Variants in JPH2 observed in about 807,000 individuals in gnomAD.
The protein encoded by JPH2 is junctophilin 2.
JPH2 carries 38 observed loss-of-function variants against 55.9 expected under a neutral mutation model. The observed-to-expected ratio is 0.68, with a 90% CI of 0.52 to 0.89. JPH2 has a LOEUF of 0.89. Ranked by LOEUF, JPH2 falls within the 40% of genes least tolerant of loss-of-function variation. The pLI is 0.00. For missense variants in JPH2, 964 were observed against 1,037.6 expected (o/e 0.93, Z 0.97); for synonymous variants, 480 against 472.4 (o/e 1.02, Z -0.21).
At chr20:44,115,584 T>C (rs1600828549) in intron 4 of JPH2, 81 bp downstream of exon 4, 11 of 1,574,662 alleles carry the variant, frequency 7.0e-6, no homozygotes, top group Non-Finnish European at 9.6e-6. Context: ...AACCCCCAAA[T>C]CCCCTGCCCC....
chr20:44,180,839 A>G (rs1247493744), intron 1 of JPH2, among the ~76,000 whole-genome samples: 1 of 151,722 alleles, frequency 6.6e-6, no homozygotes, highest in Admixed American at 6.6e-5. Context: ...AGGCCAACGC[A>G]GGGGCCCCAG....
chr20:44,133,420 G>A (rs2072338736), intron 2 of JPH2, among the ~76,000 whole-genome samples: 1 of 152,044 alleles, frequency 6.6e-6, no homozygotes, highest in Non-Finnish European at 1.5e-5. Flanking sequence ...TAGCAGGCAG[G>A]TATTATTATG....
rs752533344 is a variant in JPH2, at chr20:44,116,094, G to A, written c.1581C>T (p.Ser527=). The A allele has an allele frequency of 2.7e-6, 4 of 1,503,346 alleles. No individual in the cohort carries two copies. Among genetic ancestry groups the A allele is most frequent in the South Asian group, 1.3e-5 (1 of 77,404 alleles). 93.1% of individuals were successfully genotyped at this position (1,503,346 alleles called of 1,614,324 possible). ...SGEGSRSVTP[S]EGAGRRSPAR... ...CGGGGCTGCGGCGGCCCGCGCCCTC[G>A]GACGGAGTGACTGACCGGCTGCCCT... The change falls in exon 4 of 6, where the codon TCC becomes TCT. Residue 527 remains serine, a synonymous_variant. Coordinates refer to ENST00000372980, the MANE Select transcript of JPH2 (RefSeq NM_020433.5).
chr20:44,114,243 C>G (rs2072168854), intron 5 of JPH2, among the ~76,000 whole-genome samples: 1 of 152,190 alleles, frequency 6.6e-6, no homozygotes, highest in African/African-American at 2.4e-5. Flanking sequence ...GGAACAGGAG[C>G]AGGCTGGGTG....
At chr20:44,179,317 T>C (rs141238006) in intron 1 of JPH2, among the ~76,000 whole-genome samples, 1 of 152,294 alleles carries the variant, frequency 6.6e-6, no homozygotes, top group African/African-American at 2.4e-5. Context: ...GGTATAGAAT[T>C]ACAATGTAAA....
chr20:44,137,542 G>T (rs1384288047), intron 2 of JPH2, among the ~76,000 whole-genome samples: 1 of 152,210 alleles, frequency 6.6e-6, no homozygotes, highest in African/African-American at 2.4e-5. Context: ...GGAATTCCAG[G>T]CAGCTCCATT....
At chr20:44,180,393 G>A (rs537861368) in intron 1 of JPH2, among the ~76,000 whole-genome samples, 7 of 151,792 alleles carry the variant, frequency 4.6e-5, no homozygotes, top group South Asian at 2.1e-4. Context: ...GTGCAGTAGC[G>A]TGATCATGGC....
intron 1 of JPH2, among the ~76,000 whole-genome samples, chr20:44,181,522 C>A (rs757075451): frequency 6.6e-6 from 1 of 152,220 alleles, no homozygotes; most frequent in Non-Finnish European, 1.5e-5. Context: ...TCCACTAATG[C>A]GTTGTCCTCT....
At chr20:44,140,061 T>C (rs1224935890) in intron 2 of JPH2, among the ~76,000 whole-genome samples, 2 of 152,174 alleles carry the variant, frequency 1.3e-5, no homozygotes, top group Non-Finnish European at 2.9e-5. Context: ...TTAGTAGAGA[T>C]GGGGTTTCAC....
intron 2 of JPH2, among the ~76,000 whole-genome samples, chr20:44,152,356 C>T (rs911583368): frequency 1.3e-5 from 2 of 152,182 alleles, no homozygotes; most frequent in African/African-American, 2.4e-5. Flanking sequence ...ACCTTCCTCA[C>T]AGGGTTGTTT....
chr20:44,152,879 C>A lies in JPH2; in HGVS notation c.1169+6739G>T, dbSNP rs566131494. Among the ~76,000 whole-genome samples the A allele has an allele frequency of 1.1e-3, 164 of 152,306 alleles. 3 individuals are homozygous for A. The South Asian group carries it at 0.032, about 29-fold the overall frequency. ...AAGAAAACAAACTTTAGGCTCAGTGCCTTTGGGCATCAATAGTTTGATGTG... is the reference window on the plus strand; with the variant it reads ...AAGAAAACAAACTTTAGGCTCAGTGACTTTGGGCATCAATAGTTTGATGTG... On this transcript the variant is annotated intron_variant, in intron 2 of 5. Transcript: ENST00000372980.
At chr20:44,176,175 A>G (rs544497172) in intron 1 of JPH2, among the ~76,000 whole-genome samples, 29 of 152,326 alleles carry the variant, frequency 1.9e-4, no homozygotes, top group African/African-American at 6.7e-4. Context: ...GCAAACCACC[A>G]TCTTCTCACC....
At chr20:44,137,735 G>A (rs2072424500) in intron 2 of JPH2, among the ~76,000 whole-genome samples, 1 of 152,164 alleles carries the variant, frequency 6.6e-6, no homozygotes, top group Non-Finnish European at 1.5e-5. Flanking sequence ...TTCCAACCCC[G>A]TTGCCTTATC....
At chr20:44,183,997 T>C (rs1199208700) in intron 1 of JPH2, among the ~76,000 whole-genome samples, 5 of 142,706 alleles carry the variant, frequency 3.5e-5, no homozygotes, top group Non-Finnish European at 6.1e-5. Context: ...ACCAAAAAAT[T>C]AAAAAAAAAA....
intron 1 of JPH2, among the ~76,000 whole-genome samples, chr20:44,173,377 T>C (rs2072711476): frequency 6.6e-6 from 1 of 152,008 alleles, no homozygotes; most frequent in African/African-American, 2.4e-5. Context: ...ACCCCGAAAC[T>C]GCCTCAGTAT....
chr20:44,144,108 G>C (rs2072477353), intron 2 of JPH2, among the ~76,000 whole-genome samples: 1 of 152,194 alleles, frequency 6.6e-6, no homozygotes, highest in Non-Finnish European at 1.5e-5. Flanking sequence ...TATTTTTAGA[G>C]AGTTGGGTGT....
rs368572365 is a variant in JPH2, at chr20:44,186,804, C to G, written c.-99G>C. 8.3e-7 allele frequency: 1 copy of G among 1,204,310 alleles called. No individual in the cohort carries two copies. The highest frequency in any genetic ancestry group is 1.2e-6 in the Non-Finnish European group (1 of 829,076). The allele number at this position is 1,204,310 out of a possible 1,614,324, so 74.6% of individuals were successfully genotyped here. ...CCTCCAGTGCCCTCGGGGGCAGGCCCCCAGACTCACCACTGCACCCCAGGA... is the reference window on the plus strand; with the variant it reads ...CCTCCAGTGCCCTCGGGGGCAGGCCGCCAGACTCACCACTGCACCCCAGGA... On this transcript the variant is annotated 5_prime_UTR_variant, in exon 1 of 6. Transcript: ENST00000372980.
At position 44,186,585 on chromosome 20, in the gene JPH2, A is replaced by G; in HGVS notation, c.121T>C (p.Ser41Pro). The change falls in exon 1 of 6, where the codon TCC (serine) becomes CCC (proline). Residue 41 changes from serine (S) to proline (P), a missense_variant. Transcript: ENST00000372980. ...GPKGQGEYSG[S>P]WNFGFEVAGV... ...GCCACCTCAAAGCCAAAGTTCCAGG[A>G]GCCAGAGTATTCGCCCTGGCCCTTG... 6.2e-7 allele frequency: 1 copy of G among 1,613,614 alleles called. No homozygotes were observed. The highest frequency in any genetic ancestry group is 8.5e-7 in the Non-Finnish European group (1 of 1,179,746).
intron 2 of JPH2, among the ~76,000 whole-genome samples, chr20:44,128,762 C>T (rs936945117): frequency 6.6e-6 from 1 of 151,982 alleles, no homozygotes; most frequent in African/African-American, 2.4e-5. Context: ...TCATAGCTCA[C>T]TGCAACCTTG....
Sources: allele counts gnomAD v4.1 joint callset (sites outside exome capture counted in the v4.1 genomes callset), GRCh38; gene constraint gnomAD v4.1.1; transcripts MANE v1.5; gene names NCBI Gene and HGNC (gene_info 2026-07-23, HGNC 2026-07-21).